The following CAMKMT variants were observed in gnomAD, a reference collection of about 807,000 sequenced individuals.
CAMKMT encodes CaM KMT.
In CAMKMT, 53 loss-of-function variants were observed where a neutral mutation model predicts 48.0. That is an observed-to-expected ratio of 1.10 (90% CI 0.89 to 1.39). The LOEUF (loss-of-function observed/expected upper bound fraction) is 1.39. CAMKMT is among the 40% of genes most tolerant of loss of function. CAMKMT has a pLI of 0.00. For synonymous variants in CAMKMT, 165 were observed against 152.3 expected, an observed-to-expected ratio of 1.08 and a Z score of -0.61; for missense variants, 428 against 402.7, an observed-to-expected ratio of 1.06 and a Z score of -0.54.
At chr2:44,728,191 G>C (rs1047468220) in intron 7 of CAMKMT, among the ~76,000 whole-genome samples, 2 of 152,182 alleles carry the variant, frequency 1.3e-5, no homozygotes, top group African/African-American at 4.8e-5. Flanking sequence ...CTCCCAAAGT[G>C]CTGGGATTAC....
At chr2:44,716,951 A>G (rs892025015) in intron 7 of CAMKMT, among the ~76,000 whole-genome samples, 11 of 152,214 alleles carry the variant, frequency 7.2e-5, no homozygotes, top group Admixed American at 6.5e-4. Context: ...ATTAATAAAC[A>G]TATCTAGACA....
chr2:44,565,105 T>G (rs1668542059), intron 3 of CAMKMT, among the ~76,000 whole-genome samples: 1 of 152,216 alleles, frequency 6.6e-6, no homozygotes, highest in East Asian at 1.9e-4. Context: ...CTCATCTTTG[T>G]CTCTCACATT....
chr2:44,480,727 A>G (rs538746280), intron 3 of CAMKMT, among the ~76,000 whole-genome samples: 2 of 152,268 alleles, frequency 1.3e-5, no homozygotes, highest in South Asian at 2.1e-4. Flanking sequence ...GAATAGGTTA[A>G]ACTGTTACTC....
At chr2:44,504,794 CCCATTGTGT>C (rs1670177493) in intron 3 of CAMKMT, among the ~76,000 whole-genome samples, 1 of 152,104 alleles carries the variant, frequency 6.6e-6, no homozygotes, top group Non-Finnish European at 1.5e-5. Context: ...CAGTGTCTTG[CCCATTGTGT>C]TAGTCTGGTT....
intron 3 of CAMKMT, among the ~76,000 whole-genome samples, chr2:44,402,856 T>C (rs1005491120): frequency 1.3e-5 from 2 of 151,272 alleles, no homozygotes; most frequent in African/African-American, 2.4e-5. Flanking sequence ...CTTAGCTTTT[T>C]CCCCCATAGC....
At chr2:44,742,746 C>G (rs1233674834) in intron 7 of CAMKMT, among the ~76,000 whole-genome samples, 1 of 151,996 alleles carries the variant, frequency 6.6e-6, no homozygotes, top group South Asian at 2.1e-4. Context: ...TGACTTTTCA[C>G]CTAGGGAAGA....
chr2:44,540,567 A>G (rs949722561), intron 3 of CAMKMT, among the ~76,000 whole-genome samples: 11 of 152,186 alleles, frequency 7.2e-5, no homozygotes, highest in African/African-American at 2.7e-4. Context: ...CCTGGGCAAC[A>G]TGGCAAAACC....
intron 3 of CAMKMT, among the ~76,000 whole-genome samples, chr2:44,392,545 C>T (rs1229633958): frequency 6.6e-6 from 1 of 151,926 alleles, no homozygotes; most frequent in East Asian, 1.9e-4. Flanking sequence ...GAAAACCCAG[C>T]AGAGGGCGCC....
intron 3 of CAMKMT, among the ~76,000 whole-genome samples, chr2:44,444,338 A>C (rs1314135542): frequency 6.6e-6 from 1 of 152,184 alleles, no homozygotes; most frequent in Non-Finnish European, 1.5e-5. Context: ...ATAAGCTGTC[A>C]AGATCATGTA....
At chr2:44,655,115 G>A (rs916284473) in intron 3 of CAMKMT, among the ~76,000 whole-genome samples, 4 of 152,236 alleles carry the variant, frequency 2.6e-5, no homozygotes, top group Middle Eastern at 3.4e-3. Flanking sequence ...TTTTAAGAGT[G>A]GAAAATAGGA....
chr2:44,749,372 A>T (rs899419545), intron 8 of CAMKMT, among the ~76,000 whole-genome samples: 1 of 152,168 alleles, frequency 6.6e-6, no homozygotes, highest in Admixed American at 6.5e-5. Flanking sequence ...GGACATTGAA[A>T]CTAACACCCT....
At chr2:44,502,504 C>G (rs1047930544) in intron 3 of CAMKMT, among the ~76,000 whole-genome samples, 13 of 152,188 alleles carry the variant, frequency 8.5e-5, no homozygotes, top group Admixed American at 6.5e-4. Context: ...AGAAATTAAT[C>G]TGATGCACTA....
chr2:44,435,944 A>G lies in CAMKMT; in HGVS notation c.376+45639A>G, dbSNP rs566100156. ...TAGTACGTCATTCATTTTGCCTAGA[A>G]ATCCTGTGAAGTTCGTTATGTTTAT... On this transcript the variant is annotated intron_variant, in intron 3 of 10. Coordinates refer to ENST00000378494, the MANE Select transcript of CAMKMT (RefSeq NM_024766.5). Among the ~76,000 whole-genome samples, 3 of 152,274 alleles carry G rather than the reference A, an allele frequency of 2.0e-5. No homozygotes were observed. In the East Asian group the frequency reaches 5.8e-4, roughly 29 times the overall value.
At chr2:44,402,148 GAAACCCCGTCTCTACTAA>G (rs1275775456) in intron 3 of CAMKMT, among the ~76,000 whole-genome samples, 1 of 152,050 alleles carries the variant, frequency 6.6e-6, no homozygotes, top group East Asian at 1.9e-4. Context: ...CCAACATGGT[GAAACCCCGTCTCTACTAA>G]AGATACAAAA....
At chr2:44,597,202 A>G (rs2103842693) in intron 3 of CAMKMT, among the ~76,000 whole-genome samples, 1 of 152,298 alleles carries the variant, frequency 6.6e-6, no homozygotes, top group South Asian at 2.1e-4. Context: ...ATAAACTGTG[A>G]TATGACTGCT....
intron 3 of CAMKMT, among the ~76,000 whole-genome samples, chr2:44,602,759 C>T (rs1376223550): frequency 6.6e-6 from 1 of 152,034 alleles, no homozygotes; most frequent in Non-Finnish European, 1.5e-5. Context: ...CCCTCACAAA[C>T]ATGAGAATAG....
Position 44,604,563 on chromosome 2 carries a change from T to G in CAMKMT, c.377-99720T>G, listed in dbSNP as rs545255425. ...AACCTATGAAAGCCAATCTGGTTTT[T>G]TTTTTTTTTTTAACATTTTTAAAGT... On this transcript the variant is annotated intron_variant, in intron 3 of 10. Transcript: ENST00000378494. Among the ~76,000 whole-genome samples the G allele has an allele frequency of 5.3e-5, 8 of 151,824 alleles. No individual in the cohort carries two copies. The South Asian group carries it at 1.0e-3, about 20-fold the overall frequency.
At chr2:44,484,633 A>G (rs1440945834) in intron 3 of CAMKMT, among the ~76,000 whole-genome samples, 1 of 151,868 alleles carries the variant, frequency 6.6e-6, no homozygotes, top group Non-Finnish European at 1.5e-5. Context: ...AGCTTCTAAC[A>G]TTAATGCATA....
intron 3 of CAMKMT, among the ~76,000 whole-genome samples, chr2:44,519,685 G>A (rs1671002615): frequency 6.6e-6 from 1 of 152,196 alleles, no homozygotes; most frequent in Non-Finnish European, 1.5e-5. Context: ...TAGGACACAG[G>A]AGATGTACGT....
Sources: allele counts gnomAD v4.1 joint callset (sites outside exome capture counted in the v4.1 genomes callset), GRCh38; gene constraint gnomAD v4.1.1; transcripts MANE v1.5; gene names NCBI Gene and HGNC (gene_info 2026-07-23, HGNC 2026-07-21).